ARHGEF28: variants seen among roughly 807,000 people sequenced by gnomAD.
ARHGEF28 encodes Rho guanine nucleotide exchange factor 28.
In ARHGEF28, 152 loss-of-function variants were observed where a neutral mutation model predicts 206.6. That is an observed-to-expected ratio of 0.74 (90% CI 0.64 to 0.84). The LOEUF (loss-of-function observed/expected upper bound fraction) is 0.84, where lower values mean the gene tolerates loss of function less well. Ranked by LOEUF, ARHGEF28 falls within the 40% of genes least tolerant of loss-of-function variation. ARHGEF28 has a pLI of 0.00. For synonymous variants in ARHGEF28, 763 were observed against 776.4 expected (o/e 0.98, Z 0.29); for missense variants, 2,028 against 2,073.2 (o/e 0.98, Z 0.42).
intron 2 of ARHGEF28, among the ~76,000 whole-genome samples, chr5:73,713,930 A>G (rs551134890): frequency 3.3e-5 from 5 of 152,324 alleles, no homozygotes; most frequent in Middle Eastern, 6.8e-3. Context: ...AGATGTCTTT[A>G]AACAGAAATC....
chr5:73,892,705 T>C (rs974313999), intron 27 of ARHGEF28, among the ~76,000 whole-genome samples: 2 of 152,230 alleles, frequency 1.3e-5, no homozygotes, highest in African/African-American at 4.8e-5. Context: ...CAATAAATGT[T>C]TCTGAATTGG....
At chr5:73,848,627 C>G (rs1241925098) in intron 12 of ARHGEF28, among the ~76,000 whole-genome samples, 1 of 151,994 alleles carries the variant, frequency 6.6e-6, no homozygotes. Context: ...AGTAAAATAA[C>G]AAAATAACTG....
intron 2 of ARHGEF28, among the ~76,000 whole-genome samples, chr5:73,685,154 G>C (rs886346532): frequency 6.6e-6 from 1 of 152,130 alleles, no homozygotes; most frequent in Admixed American, 6.5e-5. Flanking sequence ...CATATGAGTG[G>C]TGTGTGAATA....
chr5:73,859,201 A>G (rs972535376), intron 16 of ARHGEF28, among the ~76,000 whole-genome samples: 8 of 152,200 alleles, frequency 5.3e-5, no homozygotes, highest in Non-Finnish European at 1.0e-4. Flanking sequence ...GTTCTCTGCT[A>G]TATGCAGAGT....
rs533097472 is a variant in ARHGEF28 at position 73,936,413 on chromosome 5, A to G, written c.4949-4431A>G. On this transcript the variant is annotated intron_variant, in intron 35 of 35. Coordinates refer to ENST00000513042, the MANE Select transcript of ARHGEF28 (RefSeq NM_001177693.2). ...TAAAAACATGATTTTGAAATGCTGC[A>G]TACTGCATTTCAACGCTTCATACCT... 2.0e-5 allele frequency among the ~76,000 whole-genome samples: 3 copies of G among 152,362 alleles called. No homozygotes were observed. In the South Asian group the frequency reaches 6.2e-4, roughly 32 times the overall value.
chr5:73,893,845 G>C (rs1261040085), intron 28 of ARHGEF28, among the ~76,000 whole-genome samples: 1 of 152,154 alleles, frequency 6.6e-6, no homozygotes, highest in Non-Finnish European at 1.5e-5. Flanking sequence ...AGCACAGAGG[G>C]GACTGAGAAT....
At chr5:73,814,967 G>A (rs915026317) in intron 9 of ARHGEF28, among the ~76,000 whole-genome samples, 8 of 151,854 alleles carry the variant, frequency 5.3e-5, no homozygotes, top group Non-Finnish European at 1.2e-4. Flanking sequence ...GACTTTAATA[G>A]CTTATATTCA....
At chr5:73,927,110 C>A (rs958607248) in intron 35 of ARHGEF28, among the ~76,000 whole-genome samples, 1 of 151,914 alleles carries the variant, frequency 6.6e-6, no homozygotes, top group Non-Finnish European at 1.5e-5. Context: ...CCTATAACCT[C>A]AACACTTTGG....
At chr5:73,838,381 T>C (rs1011840797) in intron 10 of ARHGEF28, among the ~76,000 whole-genome samples, 17 of 152,348 alleles carry the variant, frequency 1.1e-4, no homozygotes, top group African/African-American at 3.6e-4. Context: ...TTTCTTTATC[T>C]TCCTCAACCT....
chr5:73,848,681 G>T (rs1258408313), intron 12 of ARHGEF28, among the ~76,000 whole-genome samples: 4 of 152,032 alleles, frequency 2.6e-5, no homozygotes, highest in African/African-American at 4.8e-5. Flanking sequence ...AATATACAAA[G>T]AAAAAGTCAT....
chr5:73,931,082 A>T (rs1287773688), intron 35 of ARHGEF28, among the ~76,000 whole-genome samples: 1 of 152,178 alleles, frequency 6.6e-6, no homozygotes, highest in East Asian at 1.9e-4. Context: ...TTCTCATTTT[A>T]TTTTTGCTAC....
intron 1 of ARHGEF28, among the ~76,000 whole-genome samples, chr5:73,634,644 G>A (rs1464133344): frequency 6.6e-6 from 1 of 152,162 alleles, no homozygotes; most frequent in African/African-American, 2.4e-5. Context: ...ATGGATTATG[G>A]TTAGGAAATC....
At chr5:73,792,519 A>G (rs1754539012) in intron 7 of ARHGEF28, among the ~76,000 whole-genome samples, 2 of 152,126 alleles carry the variant, frequency 1.3e-5, no homozygotes, top group African/African-American at 2.4e-5. Flanking sequence ...ATCATTTAAG[A>G]GTTTATGGCT....
chr5:73,932,901 C>T (rs1042762288), intron 35 of ARHGEF28, among the ~76,000 whole-genome samples: 16 of 145,222 alleles, frequency 1.1e-4, no homozygotes, highest in African/African-American at 3.1e-4. Context: ...CTGCGCCTCC[C>T]GGGTTCACGC....
At chr5:73,917,737 T>A (rs1014767457) in intron 35 of ARHGEF28, among the ~76,000 whole-genome samples, 4 of 152,334 alleles carry the variant, frequency 2.6e-5, no homozygotes, top group Middle Eastern at 3.4e-3. Flanking sequence ...GTCCACATGG[T>A]GTGAATGCTC....
intron 28 of ARHGEF28, among the ~76,000 whole-genome samples, chr5:73,893,658 G>A (rs1019882963): frequency 6.6e-6 from 1 of 152,208 alleles, no homozygotes; most frequent in Non-Finnish European, 1.5e-5. Context: ...TTGCAAGTGT[G>A]TGAAAGAAGG....
At chr5:73,822,584 G>C (rs566426176) in intron 9 of ARHGEF28, among the ~76,000 whole-genome samples, 2 of 152,252 alleles carry the variant, frequency 1.3e-5, no homozygotes, top group East Asian at 3.9e-4. Context: ...CCTTAGAAGA[G>C]GAATGGGCGA....
At chr5:73,668,651 C>T (rs116538359) in intron 1 of ARHGEF28, among the ~76,000 whole-genome samples, 1,531 of 152,246 alleles carry the variant, frequency 0.01, 24 homozygotes, top group African/African-American at 0.034. Context: ...TCTCAATAGC[C>T]CTGGAAGTGG....
intron 9 of ARHGEF28, among the ~76,000 whole-genome samples, chr5:73,824,049 T>C (rs1198127941): frequency 6.6e-6 from 1 of 152,234 alleles, no homozygotes; most frequent in African/African-American, 2.4e-5. Context: ...CTGACTGTGA[T>C]AGCAGTTCAT....
Sources: allele counts gnomAD v4.1 joint callset (sites outside exome capture counted in the v4.1 genomes callset), GRCh38; gene constraint gnomAD v4.1.1; transcripts MANE v1.5; gene names NCBI Gene and HGNC (gene_info 2026-07-23, HGNC 2026-07-21).